ECPAS: variants seen among roughly 807,000 people sequenced by gnomAD.
ECPAS encodes the protein Ecm29 proteasome adaptor and scaffold.
In ECPAS, 70 loss-of-function variants were observed where a neutral mutation model predicts 255.1. The ratio of observed to expected loss-of-function variants is 0.27; its 90% CI spans 0.23 to 0.33. The LOEUF is 0.33. Ranked by LOEUF, ECPAS falls within the 10% of genes least tolerant of loss-of-function variation. The pLI, the probability that ECPAS is intolerant of heterozygous loss-of-function variation, is 1.00. For missense variants in ECPAS, 1,817 were observed against 2,206.4 expected, an observed-to-expected ratio of 0.82 and a Z score of 3.54; for synonymous variants, 784 against 775.0, an observed-to-expected ratio of 1.01 and a Z score of -0.19.
chr9:111,478,807 CCTTA>C (rs1255412962), intron 1 of ECPAS, among the ~76,000 whole-genome samples: 1 of 152,160 alleles, frequency 6.6e-6, no homozygotes, highest in African/African-American at 2.4e-5. Context: ...ATATTTTGGT[CCTTA>C]CTTATCTGTT....
rs1161204111 is a variant in ECPAS, at chr9:111,451,394, T to C, written c.153+31A>G. ...TAATGTATATTCATTTATTCATCATTTAATTCCCCCAGCTGTCCCAACATG... is the reference window on the plus strand; with the variant it reads ...TAATGTATATTCATTTATTCATCATCTAATTCCCCCAGCTGTCCCAACATG... On this transcript the variant is annotated intron_variant, in intron 3 of 49. Transcript: ENST00000684092. 3.2e-6 allele frequency: 5 copies of C among 1,548,414 alleles called. No homozygotes were observed. In the Admixed American group the frequency reaches 1.0e-4, roughly 31 times the overall value.
intron 7 of ECPAS, among the ~76,000 whole-genome samples, chr9:111,434,519 C>T (rs996126841): frequency 1.3e-5 from 2 of 151,004 alleles, no homozygotes; most frequent in Non-Finnish European, 2.9e-5. Flanking sequence ...AAACGGTGAA[C>T]ACACACACAT....
At position 111,414,571 on chromosome 9, in the gene ECPAS, A is replaced by T. The variant is rs777555509; in HGVS notation, c.1845T>A (p.Asp615Glu). Residue 615 changes from aspartate to glutamate, a missense_variant, in exon 19 of 50, where the codon GAT (aspartate) becomes GAA (glutamate). Around this residue, in one of 4 missense-constraint regions of ECPAS, gnomAD observed 573 missense variants for 716.2 expected, o/e 0.80. Transcript: ENST00000684092. The stretch of plus-strand genomic sequence containing the variant: ...TGTAGCGCCCAATGGCTGGGGCATG[A>T]TCCTGCATATCAGCCAAACTCTGAG... Reference protein sequence around the residue: ...PTSQSLADMQDHAPAIGRYIR... With the variant: ...PTSQSLADMQEHAPAIGRYIR... The T allele has an allele frequency of 1.2e-6, 2 of 1,614,002 alleles. No homozygotes were observed. The highest frequency in any genetic ancestry group is 1.7e-5 in the Admixed American group (1 of 60,018).
chr9:111,436,892 G>C lies in ECPAS; in HGVS notation c.708+48C>G, dbSNP rs775697220. 10 of 1,473,880 alleles carry C rather than the reference G, an allele frequency of 6.8e-6. No homozygotes were observed. In the South Asian group the frequency reaches 8.1e-5, roughly 12 times the overall value. 91.3% of individuals were successfully genotyped at this position (1,473,880 alleles called of 1,614,324 possible). A position where few individuals can be genotyped will look rare whatever the true frequency, so the allele number is the denominator to read the frequency against. ...TATACGGTTCATGAACTTCATAGGGGAAAGTGTCCACAATCAACTACTATT... is the reference window on the plus strand; with the variant it reads ...TATACGGTTCATGAACTTCATAGGGCAAAGTGTCCACAATCAACTACTATT... On this transcript the variant is annotated intron_variant, in intron 7 of 49. Transcript: ENST00000684092.
intron 45 of ECPAS, among the ~76,000 whole-genome samples, chr9:111,370,143 C>T (rs2098125547): frequency 6.6e-6 from 1 of 152,212 alleles, no homozygotes; most frequent in African/African-American, 2.4e-5. Context: ...GCTTCATCTC[C>T]TCTGCATTCC....
chr9:111,466,060 T>G (rs968997377), intron 2 of ECPAS, among the ~76,000 whole-genome samples: 2 of 151,194 alleles, frequency 1.3e-5, no homozygotes, highest in Non-Finnish European at 2.9e-5. Flanking sequence ...AGAGCAAATA[T>G]TTTTCAAAAA....
intron 3 of ECPAS, among the ~76,000 whole-genome samples, chr9:111,449,055 T>G (rs144322548): frequency 0.016 from 2,475 of 152,264 alleles, 26 homozygotes; most frequent in Non-Finnish European, 0.025. Flanking sequence ...TTAAACAAGT[T>G]CATTAATCAT....
intron 38 of ECPAS, among the ~76,000 whole-genome samples, chr9:111,374,715 T>C (rs2098131378): frequency 6.6e-6 from 1 of 152,182 alleles, no homozygotes; most frequent in Non-Finnish European, 1.5e-5. Flanking sequence ...GGGTGTCTGA[T>C]CCTTCAAAGA....
At chr9:111,406,897 A>C (rs1313991082) in intron 24 of ECPAS, among the ~76,000 whole-genome samples, 1 of 149,310 alleles carries the variant, frequency 6.7e-6, no homozygotes, top group Non-Finnish European at 1.5e-5. Context: ...TAAATAAAAA[A>C]TAAAAACAGT....
chr9:111,417,076 CA>C (rs1409350611), intron 17 of ECPAS, among the ~76,000 whole-genome samples: 1 of 151,890 alleles, frequency 6.6e-6, no homozygotes, highest in Middle Eastern at 3.4e-3. Context: ...TCTGTCTCTA[CA>C]AAAAATAAAA....
rs753780372 is a variant in ECPAS, at chr9:111,393,687, T to C, written c.2970A>G (p.Glu990=). The C allele has an allele frequency of 6.4e-7, 1 of 1,573,848 alleles. No individual in the cohort carries two copies. The highest frequency in any genetic ancestry group is 1.1e-5 in the South Asian group (1 of 88,820). The change falls in exon 27 of 50, where the codon GAA becomes GAG. Residue 990 remains glutamate, a synonymous_variant. Coordinates refer to ENST00000684092, the MANE Select transcript of ECPAS (RefSeq NM_001364929.1). ...IQSAFVSVLS[E]NDELSQDVAS... ...CAAATATTAACAACCTACCATCATT[T>C]TCTGATAGAACTGAAACAAATGCAC...
At chr9:111,483,928 C>G (rs907688265) in intron 1 of ECPAS, 188 bp downstream of exon 1, 86 of 801,212 alleles carry the variant, frequency 1.1e-4, no homozygotes, top group Non-Finnish European at 1.3e-4. Flanking sequence ...GCGGCCCCCC[C>G]GCCGGGCCCC....
At position 111,361,637 on chromosome 9, in the gene ECPAS, G is replaced by C. The variant is rs1237612221; in HGVS notation, c.*393C>G. 2 of 154,470 alleles carry C rather than the reference G, an allele frequency of 1.3e-5. No homozygotes were observed. The highest frequency in any genetic ancestry group is 4.8e-5 in the African/African-American group (2 of 41,500). 9.6% of individuals were successfully genotyped at this position (154,470 alleles called of 1,614,324 possible). Reference sequence around the variant, plus strand: ...TTCCTATTTCTTCAGGTGTAAGAGGGAGGTTAAAATAAGTTATTTATAGGG... The same window carrying C: ...TTCCTATTTCTTCAGGTGTAAGAGGCAGGTTAAAATAAGTTATTTATAGGG... On this transcript the variant is annotated 3_prime_UTR_variant, in exon 50 of 50. Coordinates refer to ENST00000684092, the MANE Select transcript of ECPAS (RefSeq NM_001364929.1).
chr9:111,385,365 G>A lies in ECPAS; in HGVS notation c.3605C>T (p.Thr1202Met), dbSNP rs189577217. ...IIDKLPEIWE[T>M]LFRVQDDIKE... Reference sequence around the variant, plus strand: ...GATATCATCTTGTACTCTAAAAAGCGTTTCCCAAATTTCTGGAAGTTTATC... The same window carrying A: ...GATATCATCTTGTACTCTAAAAAGCATTTCCCAAATTTCTGGAAGTTTATC... Residue 1202 changes from threonine (T) to methionine (M), a missense_variant, in exon 33 of 50, where the codon ACG (threonine) becomes ATG (methionine). Transcript: ENST00000684092. 2.1e-5 allele frequency: 33 copies of A among 1,565,610 alleles called. No homozygotes were observed. Among genetic ancestry groups the A allele is most frequent in the Admixed American group, 9.0e-5 (5 of 55,636 alleles).
At chr9:111,406,376 G>A (rs1488377720) in intron 24 of ECPAS, among the ~76,000 whole-genome samples, 4 of 149,550 alleles carry the variant, frequency 2.7e-5, no homozygotes, top group African/African-American at 7.6e-5. Context: ...TGGAGAACGG[G>A]GAAAGAGAGC....
chr9:111,373,051 G>T, intron 41 of ECPAS, 119 bp downstream of exon 41: 1 of 898,736 alleles, frequency 1.1e-6, no homozygotes. Flanking sequence ...GAAAAGAAAA[G>T]AAACAAATGT....
At chr9:111,425,637 G>A in intron 11 of ECPAS, 106 bp downstream of exon 11, 3 of 965,994 alleles carry the variant, frequency 3.1e-6, no homozygotes. Context: ...TTAAAGATGA[G>A]CAAACATGTT....
intron 9 of ECPAS, among the ~76,000 whole-genome samples, chr9:111,428,660 T>C (rs1243466174): frequency 2.0e-5 from 3 of 152,200 alleles, no homozygotes; most frequent in Admixed American, 1.3e-4. Flanking sequence ...ATTTTAGCTT[T>C]CTTAGGTAAT....
chr9:111,433,956 T>C (rs919638460), intron 7 of ECPAS, among the ~76,000 whole-genome samples: 2 of 152,232 alleles, frequency 1.3e-5, no homozygotes, highest in African/African-American at 4.8e-5. Flanking sequence ...TTTAATTGAC[T>C]GGCTGAAATG....
Sources: allele counts gnomAD v4.1 joint callset (sites outside exome capture counted in the v4.1 genomes callset), GRCh38; gene constraint gnomAD v4.1.1; regional missense constraint gnomAD v4.1.1; transcripts MANE v1.5; gene names NCBI Gene and HGNC (gene_info 2026-07-23, HGNC 2026-07-21).